INTS6L: variants seen among roughly 807,000 people sequenced by gnomAD.
INTS6L encodes integrator complex subunit 6 like.
A neutral mutation model predicts 64.7 loss-of-function variants in INTS6L; 18 were observed. The ratio of observed to expected loss-of-function variants is 0.28; its 90% CI spans 0.19 to 0.41. The LOEUF is 0.41. Among genes scored for constraint, INTS6L ranks in the 10% least tolerant of loss-of-function variants. The probability of loss-of-function intolerance (pLI) is 1.00; values close to 1 mark genes in which losing one functional copy is unlikely to be tolerated. For missense variants in INTS6L, 533 were observed against 661.0 expected (o/e 0.81, Z 2.12); for synonymous variants, 227 against 235.9 (o/e 0.96, Z 0.34).
At chrX:135,541,771 A>G (rs2086225257) in intron 2 of INTS6L, among the ~76,000 whole-genome samples, 1 of 112,496 alleles carries the variant, frequency 8.9e-6, no homozygotes, top group African/African-American at 3.2e-5. Flanking sequence ...ATAAGAATAC[A>G]ATATCTTTGG....
chrX:135,525,112 T>A (rs2085696446), intron 2 of INTS6L, among the ~76,000 whole-genome samples: 1 of 112,271 alleles, frequency 8.9e-6, no homozygotes, highest in Non-Finnish European at 1.9e-5. Flanking sequence ...TGTTTTGGGA[T>A]TTTTTGGTAT....
intron 2 of INTS6L, among the ~76,000 whole-genome samples, chrX:135,540,223 G>A (rs1202625082): frequency 1.8e-5 from 2 of 111,781 alleles, no homozygotes; most frequent in Non-Finnish European, 3.8e-5. Context: ...TCAAATCTTG[G>A]CTGTGCCATT....
chrX:135,566,284 C>T (rs1602982809), intron 9 of INTS6L, among the ~76,000 whole-genome samples: 1 of 112,094 alleles, frequency 8.9e-6, no homozygotes, highest in Non-Finnish European at 1.9e-5. Flanking sequence ...TTAGAACTTG[C>T]CTGGCAAATA....
rs2085524779 is a variant in INTS6L, at chrX:135,521,049, C to A, written c.57C>A (p.Asp19Glu). Residue 19 changes from aspartate (D) to glutamate (E), a missense_variant, in exon 1 of 18, where the codon GAC becomes GAA. By Grantham distance (45) the Asp-to-Glu change is conservative. Transcript: ENST00000639893. ...CCGCCTCTATGAACCAGCGCACTGA[C>A]CTGGGCACCTCTTATTTGGACATTG... is the stretch of plus-strand genomic sequence containing the variant. Reference protein sequence around the residue: ...DTSASMNQRTDLGTSYLDIAK... With the variant: ...DTSASMNQRTELGTSYLDIAK... 8.3e-7 allele frequency: 1 copy of A among 1,209,590 alleles called. No homozygotes were observed. Among genetic ancestry groups the A allele is most frequent in the African/African-American group, 1.8e-5 (1 of 57,048 alleles).
intron 2 of INTS6L, 88 bp from the exon 3 acceptor site, chrX:135,545,335 G>C (rs781924630): frequency 6.5e-6 from 7 of 1,084,303 alleles, no homozygotes; most frequent in Non-Finnish European, 8.8e-6. Context: ...TAATTTCTTA[G>C]AGTTTTGATA....
At chrX:135,566,129 T>C (rs1556524736) in intron 9 of INTS6L, among the ~76,000 whole-genome samples, 1 of 112,170 alleles carries the variant, frequency 8.9e-6, no homozygotes, top group Non-Finnish European at 1.9e-5. Context: ...TGAATCTGGC[T>C]CTGCTACTTG....
chrX:135,561,584 A>G (rs1356513675), intron 9 of INTS6L, among the ~76,000 whole-genome samples: 1 of 112,422 alleles, frequency 8.9e-6, no homozygotes, highest in Non-Finnish European at 1.9e-5. Flanking sequence ...GTTTTCTGGA[A>G]AAGATTGTGT....
chrX:135,562,486 G>A (rs5975542), intron 9 of INTS6L, among the ~76,000 whole-genome samples: 2,672 of 111,714 alleles, frequency 0.024, 79 homozygotes, highest in African/African-American at 0.081. Context: ...ATGTTGTTTG[G>A]TAGGATATTC....
intron 8 of INTS6L, among the ~76,000 whole-genome samples, chrX:135,552,948 A>G (rs1429106291): frequency 2.7e-5 from 3 of 112,407 alleles, no homozygotes; most frequent in East Asian, 5.6e-4. Context: ...ACACTTTCAG[A>G]CTGCCATCTG....
intron 8 of INTS6L, among the ~76,000 whole-genome samples, chrX:135,555,030 C>T (rs1422776673): frequency 9.2e-6 from 1 of 108,180 alleles, no homozygotes; most frequent in African/African-American, 3.4e-5. Flanking sequence ...GCTGGGATTA[C>T]AGGCGCACCA....
chrX:135,564,960 G>A (rs1213292240), intron 9 of INTS6L, among the ~76,000 whole-genome samples: 1 of 111,255 alleles, frequency 9.0e-6, no homozygotes, highest in Non-Finnish European at 1.9e-5. Context: ...CCAAAAGGGA[G>A]GGATCTCCTT....
chrX:135,534,486 G>A (rs1396543068), intron 2 of INTS6L, among the ~76,000 whole-genome samples: 2 of 110,488 alleles, frequency 1.8e-5, no homozygotes, highest in African/African-American at 6.6e-5. Flanking sequence ...AGTCTTGGTT[G>A]GTAGTATCTC....
chrX:135,530,955 G>A (rs997711348), intron 2 of INTS6L, among the ~76,000 whole-genome samples: 4 of 111,743 alleles, frequency 3.6e-5, no homozygotes, highest in Non-Finnish European at 7.5e-5. Context: ...AATGCCAGTC[G>A]CTCTTTTATT....
intron 3 of INTS6L, 83 bp from the exon 4 acceptor site, chrX:135,546,297 A>G: frequency 1.7e-6 from 1 of 579,390 alleles, no homozygotes; most frequent in Non-Finnish European, 2.5e-6. Context: ...TATTCTTGAG[A>G]GATCATTGGC....
chrX:135,550,723 A>C (rs1046134185), intron 7 of INTS6L, among the ~76,000 whole-genome samples: 4 of 111,857 alleles, frequency 3.6e-5, no homozygotes, highest in African/African-American at 1.3e-4. Context: ...TGGCCATGAA[A>C]GACCTGAATG....
In INTS6L at chrX:135,560,395, T is replaced by C. The variant is rs781786073; in HGVS notation, c.1192+4095T>C. Among the ~76,000 whole-genome samples, 14 of 112,225 alleles carry C rather than the reference T, an allele frequency of 1.2e-4. No individual in the cohort carries two copies. In the South Asian group the frequency reaches 4.8e-3, roughly 39 times the overall value. ...CCTTTTCTATTCTTATCTTTATGTT[T>C]TTTCTTTTCTTTTCTTGCCTTACTG... On this transcript the variant is annotated intron_variant, in intron 9 of 17. Transcript: ENST00000639893.
chrX:135,576,260 G>A (rs1328929800), intron 14 of INTS6L, among the ~76,000 whole-genome samples: 1 of 104,795 alleles, frequency 9.5e-6, no homozygotes, highest in Non-Finnish European at 1.9e-5. Context: ...CCTGGGAGGC[G>A]GAGATTGCAG....
chrX:135,521,565 C>G (rs2085557521), intron 2 of INTS6L, among the ~76,000 whole-genome samples: 1 of 110,408 alleles, frequency 9.1e-6, no homozygotes, highest in South Asian at 3.8e-4. Flanking sequence ...GAGCTCGTGG[C>G]GCGACAACCG....
chrX:135,580,261 G>A (rs2087338352), intron 16 of INTS6L, 99 bp downstream of exon 16: 1 of 971,755 alleles, frequency 1.0e-6, no homozygotes, highest in Non-Finnish European at 1.4e-6. Context: ...TACACTGGGG[G>A]CAATATTGGG....
Sources: allele counts gnomAD v4.1 joint callset (sites outside exome capture counted in the v4.1 genomes callset), GRCh38; gene constraint gnomAD v4.1.1; transcripts MANE v1.5; gene names NCBI Gene and HGNC (gene_info 2026-07-23, HGNC 2026-07-21).